Variants in SERPINI2 observed in about 807,000 individuals in gnomAD.
SERPINI2 encodes the protein serpin family I member 2.
SERPINI2 carries 48 observed loss-of-function variants against 47.3 expected under a neutral mutation model. The observed-to-expected ratio is 1.02, with a 90% CI of 0.81 to 1.29. The LOEUF is 1.29. SERPINI2 is among the 50% of genes most tolerant of loss of function. The pLI is 0.00. For synonymous variants in SERPINI2, 135 were observed against 149.3 expected (o/e 0.90, Z 0.70); for missense variants, 448 against 456.9 (o/e 0.98, Z 0.18).
In SERPINI2 at chr3:167,452,929, A is replaced by G; in HGVS notation, c.964+7T>C. 6.5e-7 allele frequency: 1 copy of G among 1,527,864 alleles called. No homozygotes were observed. The highest frequency in any genetic ancestry group is 9.0e-7 in the Non-Finnish European group (1 of 1,113,340). The allele number at this position is 1,527,864 out of a possible 1,614,324, so 94.6% of individuals were successfully genotyped here. On this transcript the variant is annotated splice_region_variant and intron_variant, in intron 6 of 8. Coordinates refer to ENST00000264677, the Ensembl canonical transcript of SERPINI2. ...CATCATAATATAAGAATTATTTATC[A>G]TACTACCTGTTATTCCAGAAAGGTC...
chr3:167,448,749 C>T (rs1264650423), intron 7 of SERPINI2, among the ~76,000 whole-genome samples: 1 of 151,980 alleles, frequency 6.6e-6, no homozygotes, highest in Non-Finnish European at 1.5e-5. Flanking sequence ...GTCTCAATCT[C>T]CTGACCTCGT....
At chr3:167,458,426 ATTTT>A (rs34639120) in intron 5 of SERPINI2, among the ~76,000 whole-genome samples, 1 of 129,006 alleles carries the variant, frequency 7.8e-6, no homozygotes, top group Admixed American at 7.8e-5. Context: ...AATTGTTTGT[ATTTT>A]TTTTTTTTTT....
At chr3:167,463,519 T>A (rs1406243442) in intron 5 of SERPINI2, among the ~76,000 whole-genome samples, 1 of 151,662 alleles carries the variant, frequency 6.6e-6, no homozygotes, top group Non-Finnish European at 1.5e-5. Flanking sequence ...GCAGGAAAAA[T>A]TTCCAGAAAG....
chr3:167,467,262 A>T (rs754160316), exon 3 of SERPINI2: 10 of 1,610,676 alleles, frequency 6.2e-6, no homozygotes, highest in Admixed American at 1.7e-5. Flanking sequence ...GAGAAAAATG[A>T]CTTCAGTACA....
At chr3:167,446,235 G>A (rs6768544) in intron 8 of SERPINI2, among the ~76,000 whole-genome samples, 157 bp downstream of exon 8, 2 of 151,910 alleles carry the variant, frequency 1.3e-5, no homozygotes, top group African/African-American at 2.4e-5. Flanking sequence ...TTTAGGCCTC[G>A]GTCATCTCTT....
intron 8 of SERPINI2, among the ~76,000 whole-genome samples, chr3:167,445,171 C>T (rs1330061965): frequency 1.3e-5 from 2 of 152,108 alleles, no homozygotes; most frequent in East Asian, 3.9e-4. Flanking sequence ...AGAAGGGTCT[C>T]TCAGCATTAG....
At chr3:167,462,765 G>C (rs917492834) in intron 5 of SERPINI2, among the ~76,000 whole-genome samples, 1 of 152,124 alleles carries the variant, frequency 6.6e-6, no homozygotes, top group Non-Finnish European at 1.5e-5. Flanking sequence ...TGATAACAAG[G>C]CCAAACGTTC....
At chr3:167,456,701 A>G (rs1466629176) in intron 5 of SERPINI2, among the ~76,000 whole-genome samples, 1 of 152,136 alleles carries the variant, frequency 6.6e-6, no homozygotes, top group Non-Finnish European at 1.5e-5. Context: ...TAGGCAAGGT[A>G]TTTACCTGTC....
exon 3 of SERPINI2, chr3:167,467,185 T>A: frequency 6.2e-7 from 1 of 1,613,540 alleles, no homozygotes. Context: ...TCACAGTGAA[T>A]CCTTCTTGAA....
chr3:167,460,437 A>C (rs1209643127), intron 5 of SERPINI2, among the ~76,000 whole-genome samples: 6 of 152,228 alleles, frequency 3.9e-5, no homozygotes, highest in Admixed American at 3.9e-4. Context: ...TTTGGTGCTC[A>C]GGAAACTTAA....
intron 5 of SERPINI2, among the ~76,000 whole-genome samples, chr3:167,460,938 C>G (rs1041126155): frequency 1.3e-5 from 2 of 152,196 alleles, no homozygotes; most frequent in South Asian, 4.2e-4. Flanking sequence ...AACCCGCTGT[C>G]CCAGAAATCA....
At chr3:167,452,873 T>C in intron 6 of SERPINI2, 63 bp downstream of exon 6, 1 of 957,604 alleles carries the variant, frequency 1.0e-6, no homozygotes, top group Non-Finnish European at 1.6e-6. Flanking sequence ...TAAGCTCAGC[T>C]AGTTAATGTA....
chr3:167,443,233 G>A (rs9682427), intron 8 of SERPINI2, among the ~76,000 whole-genome samples: 25,556 of 151,954 alleles, frequency 0.17, 3,046 homozygotes, highest in African/African-American at 0.34. Flanking sequence ...TCAGCCTCCC[G>A]AGTAGCTGGG....
chr3:167,455,603 A>AG (rs1384995568), intron 5 of SERPINI2, among the ~76,000 whole-genome samples: 1 of 148,292 alleles, frequency 6.7e-6, no homozygotes, highest in Non-Finnish European at 1.5e-5. Flanking sequence ...CAAAAAAAAA[A>AG]AAAGAAAAGA....
At chr3:167,445,304 A>C (rs1298162205) in intron 8 of SERPINI2, among the ~76,000 whole-genome samples, 2 of 152,154 alleles carry the variant, frequency 1.3e-5, no homozygotes, top group African/African-American at 4.8e-5. Context: ...AAATGACTTT[A>C]AACTTTTTCA....
intron 2 of SERPINI2, among the ~76,000 whole-genome samples, chr3:167,470,596 C>A (rs1266658074): frequency 2.3e-5 from 2 of 87,138 alleles, no homozygotes; most frequent in South Asian, 7.8e-4. Flanking sequence ...GGAGTCTGTT[C>A]TTTTGCCCTG....
chr3:167,457,834 T>C (rs1048732173), intron 5 of SERPINI2, among the ~76,000 whole-genome samples: 1 of 152,214 alleles, frequency 6.6e-6, no homozygotes, highest in East Asian at 1.9e-4. Context: ...TTGTATGATA[T>C]TGCATGGAGA....
At chr3:167,446,347 T>G in intron 8 of SERPINI2, 45 bp downstream of exon 8, 4 of 1,312,936 alleles carry the variant, frequency 3.0e-6, no homozygotes, top group Non-Finnish European at 4.3e-6. Flanking sequence ...GAACTAGTTC[T>G]GCTTAACATA....
intron 7 of SERPINI2, among the ~76,000 whole-genome samples, chr3:167,448,730 T>G (rs1355326094): frequency 1.3e-5 from 2 of 151,998 alleles, no homozygotes; most frequent in Non-Finnish European, 2.9e-5. Context: ...CACCGTGTTA[T>G]CCAGGATGGT....
Sources: gnomAD v4.1 joint callset for allele counts (sites outside exome capture counted in the v4.1 genomes callset) on GRCh38, gnomAD v4.1.1 for gene constraint, MANE v1.5 for transcripts, NCBI Gene and HGNC (gene_info 2026-07-23, HGNC 2026-07-21) for gene names.